Variants in TANC2 observed in about 807,000 individuals in gnomAD.
TANC2 encodes protein TANC2.
Under a neutral mutation model 210.5 loss-of-function variants are expected in TANC2, and 26 were observed. That is an observed-to-expected ratio of 0.12 (90% CI 0.09 to 0.17). TANC2 has a LOEUF of 0.17. Ranked by LOEUF, TANC2 falls within the 10% of genes least tolerant of loss-of-function variation. The pLI is 1.00. For synonymous variants in TANC2, 931 were observed against 967.1 expected (o/e 0.96, Z 0.69); for missense variants, 2,129 against 2,608.9 (o/e 0.82, Z 4.01).
At chr17:62,968,698 T>TG (rs2031508037) in intron 1 of TANC2, 3 of 152,358 alleles carry the variant, frequency 2.0e-5, no homozygotes, top group Middle Eastern at 3.4e-3. Flanking sequence ...AATTGATAGT[T>TG]GCGCTCGGGG....
At chr17:63,050,129 A>C (rs2035526481) in intron 2 of TANC2, among the ~76,000 whole-genome samples, 1 of 152,028 alleles carries the variant, frequency 6.6e-6, no homozygotes, top group African/African-American at 2.4e-5. Flanking sequence ...AGTTGTGTGG[A>C]CCACTTCAGC....
At chr17:63,333,109 A>G (rs1453943448) in intron 11 of TANC2, among the ~76,000 whole-genome samples, 3 of 152,248 alleles carry the variant, frequency 2.0e-5, no homozygotes, top group Non-Finnish European at 4.4e-5. Context: ...TGGATCAAGG[A>G]GTAATTTTGA....
intron 4 of TANC2, among the ~76,000 whole-genome samples, chr17:63,123,558 CAA>C (rs560638545): frequency 1.1e-4 from 11 of 99,906 alleles, no homozygotes; most frequent in Admixed American, 2.2e-4. Context: ...GATTCTGTCT[CAA>C]AAAAAAAAAA....
chr17:63,132,613 A>G (rs2038956998), intron 4 of TANC2, among the ~76,000 whole-genome samples: 1 of 152,174 alleles, frequency 6.6e-6, no homozygotes, highest in Non-Finnish European at 1.5e-5. Context: ...GGAATTAATC[A>G]TCTTCTTATC....
chr17:63,081,224 A>C (rs1374943312), intron 3 of TANC2, among the ~76,000 whole-genome samples: 1 of 152,194 alleles, frequency 6.6e-6, no homozygotes, highest in Non-Finnish European at 1.5e-5. Flanking sequence ...GCCTTTTGGA[A>C]TACGTAGCCC....
At chr17:63,067,532 A>T (rs1361941719) in intron 2 of TANC2, among the ~76,000 whole-genome samples, 32 of 151,942 alleles carry the variant, frequency 2.1e-4, no homozygotes, top group Non-Finnish European at 3.2e-4. Flanking sequence ...GAAAAAAATT[A>T]AAAAATACTC....
chr17:63,422,630 T>C (rs970489591), exon 28 of TANC2: 1 of 152,216 alleles, frequency 6.6e-6, no homozygotes, highest in Non-Finnish European at 1.5e-5. Flanking sequence ...TGTAGGAACA[T>C]GTCAAAAACA....
exon 10 of TANC2, chr17:63,314,527 T>C (rs1426381277): frequency 6.2e-7 from 1 of 1,613,842 alleles, no homozygotes; most frequent in East Asian, 2.2e-5. Context: ...AAAGTTCAAA[T>C]GCCAGCGTGA....
At chr17:63,398,752 C>A in intron 18 of TANC2, 69 bp from the exon 19 acceptor site, 2 of 1,071,470 alleles carry the variant, frequency 1.9e-6, no homozygotes, top group Non-Finnish European at 2.8e-6. Flanking sequence ...ATCTTCCAAA[C>A]CTCACAGGCT....
intron 7 of TANC2, 45 bp downstream of exon 7, chr17:63,201,002 T>A: frequency 6.5e-7 from 1 of 1,531,566 alleles, no homozygotes. Flanking sequence ...TTTTTTTCCT[T>A]TTTAAAATAA....
At chr17:63,256,922 A>G (rs761964232) in intron 8 of TANC2, among the ~76,000 whole-genome samples, 13 of 152,182 alleles carry the variant, frequency 8.5e-5, no homozygotes, top group Non-Finnish European at 1.8e-4. Flanking sequence ...TGATATAACT[A>G]TAGCTACTCC....
At chr17:63,302,977 G>A (rs1302700654) in intron 9 of TANC2, among the ~76,000 whole-genome samples, 1 of 152,008 alleles carries the variant, frequency 6.6e-6, no homozygotes, top group African/African-American at 2.4e-5. Context: ...GGCCAGGCTG[G>A]TCTCAAACTC....
intron 9 of TANC2, among the ~76,000 whole-genome samples, chr17:63,285,740 G>C (rs372989801): frequency 1.3e-5 from 2 of 152,136 alleles, no homozygotes; most frequent in African/African-American, 4.8e-5. Context: ...ATTGTATACC[G>C]GGAAAACGCA....
chr17:63,059,126 T>C (rs1023137791), intron 2 of TANC2, among the ~76,000 whole-genome samples: 4 of 152,074 alleles, frequency 2.6e-5, no homozygotes, highest in African/African-American at 9.7e-5. Flanking sequence ...TGGGAATTAA[T>C]TTTTTTATGT....
intron 1 of TANC2, among the ~76,000 whole-genome samples, chr17:63,001,828 A>T (rs1481608648): frequency 1.3e-5 from 2 of 152,204 alleles, no homozygotes; most frequent in Admixed American, 1.3e-4. Context: ...GATTACAGGT[A>T]TAAGCCACTG....
intron 2 of TANC2, among the ~76,000 whole-genome samples, chr17:63,041,828 C>G (rs1489998119): frequency 6.6e-6 from 1 of 152,144 alleles, no homozygotes; most frequent in Non-Finnish European, 1.5e-5. Context: ...GAGCAGGACA[C>G]TCATAGTAAC....
chr17:63,137,755 A>G (rs1598456414), intron 4 of TANC2, among the ~76,000 whole-genome samples: 1 of 152,194 alleles, frequency 6.6e-6, no homozygotes, highest in Non-Finnish European at 1.5e-5. Flanking sequence ...GCATTGTAAT[A>G]TAAAGCATTA....
chr17:63,173,222 A>G (rs2040468642), intron 5 of TANC2, among the ~76,000 whole-genome samples: 1 of 152,230 alleles, frequency 6.6e-6, no homozygotes, highest in Non-Finnish European at 1.5e-5. Context: ...CATGAAGTTT[A>G]TCTTAACACT....
At chr17:63,070,257 CT>C in intron 2 of TANC2, among the ~76,000 whole-genome samples, 1 of 152,114 alleles carries the variant, frequency 6.6e-6, no homozygotes, top group African/African-American at 2.4e-5. Context: ...GCATTGTGCA[CT>C]TTTAGTCACC....
Sources: gnomAD v4.1 joint callset for allele counts (sites outside exome capture counted in the v4.1 genomes callset) on GRCh38, gnomAD v4.1.1 for gene constraint, MANE v1.5 for transcripts, NCBI Gene and HGNC (gene_info 2026-07-23, HGNC 2026-07-21) for gene names.